ZNF461: variants seen among roughly 807,000 people sequenced by gnomAD.
ZNF461 encodes zinc finger protein 461.
In ZNF461, 16 loss-of-function variants were observed where a neutral mutation model predicts 18.3. The observed-to-expected ratio is 0.88, with a 90% CI of 0.59 to 1.33. The LOEUF (loss-of-function observed/expected upper bound fraction) is 1.33. Ranked by LOEUF, ZNF461 falls within the 40% of genes most tolerant of loss-of-function variation. The probability of loss-of-function intolerance (pLI) is 0.00; values close to 1 mark genes in which losing one functional copy is unlikely to be tolerated. For missense variants in ZNF461, 595 were observed against 669.9 expected (o/e 0.89, Z 1.23); for synonymous variants, 179 against 216.9 (o/e 0.83, Z 1.54).
chr19:36,639,991 A>G lies in ZNF461; in HGVS notation c.354T>C (p.Tyr118=). 1 of 1,613,560 alleles carries G rather than the reference A, an allele frequency of 6.2e-7. No homozygotes were observed. Among genetic ancestry groups the G allele is most frequent in the South Asian group, 1.1e-5 (1 of 91,056 alleles). ...TAACCCACTGGGATAATTCTGTTTC[A>G]TAAATATCCCTTTTTGGAGATAACT... The part of the protein sequence containing the change: ...PQKLSPKRDI[Y]ETELSQWVNM... The change falls in exon 6 of 6, where the codon TAT becomes TAC. Residue 118 remains tyrosine (Y), a synonymous_variant. Transcript: ENST00000588268.
chr19:36,658,484 A>C (rs1327218194), intron 2 of ZNF461, 59 bp from the exon 3 acceptor site: 1 of 1,501,184 alleles, frequency 6.7e-7, no homozygotes, highest in Non-Finnish European at 9.0e-7. Context: ...TTAAAAAGAA[A>C]AGAGAAGTGC....
chr19:36,651,787 T>G (rs1368544112), intron 4 of ZNF461, among the ~76,000 whole-genome samples: 2 of 152,168 alleles, frequency 1.3e-5, no homozygotes, highest in African/African-American at 4.8e-5. Context: ...ACAATTCCCA[T>G]GAAAATCTAA....
chr19:36,663,397 G>T (rs2037849261), intron 2 of ZNF461, among the ~76,000 whole-genome samples: 1 of 151,996 alleles, frequency 6.6e-6, no homozygotes, highest in South Asian at 2.1e-4. Flanking sequence ...AATCACTCAG[G>T]TGTCTGGGTT....
chr19:36,652,077 G>A (rs1272768672), intron 4 of ZNF461, among the ~76,000 whole-genome samples: 2 of 151,872 alleles, frequency 1.3e-5, no homozygotes, highest in Non-Finnish European at 2.9e-5. Context: ...ACTTGAGAAG[G>A]GATAACTTTT....
chr19:36,658,538 T>A, intron 2 of ZNF461, 113 bp from the exon 3 acceptor site: 1 of 1,091,588 alleles, frequency 9.2e-7, no homozygotes, highest in Non-Finnish European at 1.3e-6. Flanking sequence ...ACTGAATATA[T>A]AGGCTAAGCC....
At chr19:36,641,934 A>G (rs2037432069) in intron 5 of ZNF461, among the ~76,000 whole-genome samples, 1 of 152,108 alleles carries the variant, frequency 6.6e-6, no homozygotes, top group South Asian at 2.1e-4. Flanking sequence ...TGTAATTATT[A>G]GTGAAGACCA....
At chr19:36,660,209 G>T (rs1261185173) in intron 2 of ZNF461, among the ~76,000 whole-genome samples, 1 of 148,484 alleles carries the variant, frequency 6.7e-6, no homozygotes, top group South Asian at 2.1e-4. Flanking sequence ...GAGTGCAGTG[G>T]CATGATCTCA....
intron 3 of ZNF461, among the ~76,000 whole-genome samples, chr19:36,657,252 G>A (rs112660613): frequency 2.0e-5 from 3 of 151,214 alleles, no homozygotes; most frequent in Admixed American, 6.6e-5. Context: ...AGGCCAAGAC[G>A]GGTGGATCAC....
intron 2 of ZNF461, among the ~76,000 whole-genome samples, chr19:36,658,928 C>A (rs1447437998): frequency 6.6e-6 from 1 of 152,128 alleles, no homozygotes; most frequent in Admixed American, 6.6e-5. Flanking sequence ...TCAGTGTAAC[C>A]TTGACATCCC....
At chr19:36,642,767 G>C (rs1027355062) in intron 5 of ZNF461, among the ~76,000 whole-genome samples, 2 of 150,274 alleles carry the variant, frequency 1.3e-5, no homozygotes, top group East Asian at 3.9e-4. Context: ...TGGTGGGGGG[G>C]GGTGGGGCAC....
At chr19:36,642,241 T>C (rs1263510460) in intron 5 of ZNF461, among the ~76,000 whole-genome samples, 1 of 152,160 alleles carries the variant, frequency 6.6e-6, no homozygotes, top group East Asian at 1.9e-4. Flanking sequence ...CCATTTATCA[T>C]TATTGTCTTT....
chr19:36,643,629 TAACGTCACATTCTGA>T, intron 5 of ZNF461, 150 bp downstream of exon 5: 1 of 543,438 alleles, frequency 1.8e-6, no homozygotes, highest in Non-Finnish European at 2.8e-6. Context: ...AGAAGTGTGA[TAACGTCACATTCTGA>T]AATCTAACAG....
intron 4 of ZNF461, among the ~76,000 whole-genome samples, chr19:36,652,327 A>C (rs2037640785): frequency 1.4e-5 from 2 of 140,570 alleles, no homozygotes; most frequent in Admixed American, 7.0e-5. Flanking sequence ...CCCCGCCTCT[A>C]CTAAAAAAAA....
chr19:36,650,601 T>C (rs2037609368), intron 4 of ZNF461, among the ~76,000 whole-genome samples: 1 of 152,086 alleles, frequency 6.6e-6, no homozygotes, highest in Admixed American at 6.5e-5. Flanking sequence ...ATTACTCTGA[T>C]ACCAAAACAA....
At chr19:36,646,099 GTTGTTGTTGTTGTTGTTGTTA>G (rs1568649866) in intron 4 of ZNF461, among the ~76,000 whole-genome samples, 1 of 77,276 alleles carries the variant, frequency 1.3e-5, no homozygotes. Context: ...TGACTATTTT[GTTGTTGTTGTTGTTGTTGTTA>G]TTGTTGTTGT....
At chr19:36,655,305 T>G (rs1473211789) in intron 4 of ZNF461, among the ~76,000 whole-genome samples, 1 of 152,130 alleles carries the variant, frequency 6.6e-6, no homozygotes, top group Non-Finnish European at 1.5e-5. Flanking sequence ...CTGAATCTTT[T>G]AAAAAACTAA....
rs562864934 is a variant in ZNF461, at chr19:36,656,220, C to T, written c.232+228G>A. Among the ~76,000 whole-genome samples, 3 of 152,176 alleles carry T rather than the reference C, an allele frequency of 2.0e-5. No homozygotes were observed. In the East Asian group the frequency reaches 5.8e-4, roughly 29 times the overall value. ...CACCGTGGTCTCGATCTCCTGACCT[C>T]GTGATCTGCCCGCCTCGGCCTCCCA... On this transcript the variant is annotated intron_variant, in intron 4 of 5. Coordinates refer to ENST00000588268, the MANE Select transcript of ZNF461 (RefSeq NM_153257.5).
rs1408630241 is a variant in ZNF461, at chr19:36,636,712, A to G, written c.*1941T>C. Among the ~76,000 whole-genome samples, 2 of 152,212 alleles carry G rather than the reference A, an allele frequency of 1.3e-5. No homozygotes were observed. The highest frequency in any genetic ancestry group is 2.4e-5 in the African/African-American group (1 of 41,452). ...GTCTCCACACTATTTATTGAGTACA[A>G]TCACTTAGATCTAAGAAGCAGATGT... On this transcript the variant is annotated 3_prime_UTR_variant, in exon 6 of 6. Transcript: ENST00000588268.
At chr19:36,665,362 A>G (rs1337460485) in intron 1 of ZNF461, among the ~76,000 whole-genome samples, 1 of 152,212 alleles carries the variant, frequency 6.6e-6, no homozygotes, top group Non-Finnish European at 1.5e-5. Flanking sequence ...ATCCTGAAAA[A>G]TATTCTTAAG....
Sources: allele counts gnomAD v4.1 joint callset (sites outside exome capture counted in the v4.1 genomes callset), GRCh38; gene constraint gnomAD v4.1.1; transcripts MANE v1.5; gene names NCBI Gene and HGNC (gene_info 2026-07-23, HGNC 2026-07-21).